The following ZNF66 variants were observed in gnomAD, a reference collection of about 807,000 sequenced individuals.
ZNF66 encodes zinc finger protein 66.
A neutral mutation model predicts 35.2 loss-of-function variants in ZNF66; 32 were observed. The ratio of observed to expected loss-of-function variants is 0.91; its 90% CI spans 0.69 to 1.22. The LOEUF is 1.22. Among genes scored for constraint, ZNF66 ranks in the 50% most tolerant of loss-of-function variants. The pLI, the probability that ZNF66 is intolerant of heterozygous loss-of-function variation, is 0.00. For synonymous variants in ZNF66, 231 were observed against 181.3 expected (o/e 1.27, Z -2.20); for missense variants, 666 against 543.1 (o/e 1.23, Z -2.25).
At chr19:20,784,514 C>T (rs1051528540) in intron 1 of ZNF66, 3 of 152,142 alleles carry the variant, frequency 2.0e-5, no homozygotes, top group Admixed American at 6.5e-5. Flanking sequence ...GCCACCCCAA[C>T]ACCATAATAC....
intron 1 of ZNF66, among the ~76,000 whole-genome samples, chr19:20,789,040 GA>G (rs1343532004): frequency 1.3e-5 from 2 of 151,326 alleles, no homozygotes; most frequent in African/African-American, 4.9e-5. Context: ...AATAGAGTGA[GA>G]CTTCATCTAT....
intron 1 of ZNF66, among the ~76,000 whole-genome samples, chr19:20,785,470 G>T (rs987082872): frequency 1.3e-5 from 2 of 152,200 alleles, no homozygotes; most frequent in African/African-American, 4.8e-5. Flanking sequence ...TTTGTCATTG[G>T]ATATAAGCAT....
Position 20,806,641 on chromosome 19 carries a change from CA to C in ZNF66, c.1044del (p.Gly349AlafsTer13). On this transcript the variant is annotated frameshift_variant, in exon 4 of 4. Transcript: ENST00000344519. LOFTEE classifies it high-confidence loss of function. Reference sequence around the variant, plus strand: ...AACCCTACAAATGTGAAGAATGTGGCAAAGGCTTTAAGTACTCCTCTACCCT... The same window carrying C: ...AACCCTACAAATGTGAAGAATGTGGCAAGGCTTTAAGTACTCCTCTACCCT... ...EKPYKCEECG[K>X]GFKYSSTLTK... is the part of the protein sequence containing the mutation. The C allele has an allele frequency of 1.3e-6, 2 of 1,564,850 alleles. No individual in the cohort carries two copies. The highest frequency in any genetic ancestry group is 1.8e-6 in the Non-Finnish European group (2 of 1,136,978).
chr19:20,793,272 A>ATTAG (rs1365499038), intron 2 of ZNF66, among the ~76,000 whole-genome samples: 1 of 151,040 alleles, frequency 6.6e-6, no homozygotes, highest in East Asian at 1.9e-4. Flanking sequence ...AGGTAGTAAA[A>ATTAG]TTAGGAAACC....
At chr19:20,805,156 G>A (rs576785534) in intron 3 of ZNF66, among the ~76,000 whole-genome samples, 13 of 136,398 alleles carry the variant, frequency 9.5e-5, no homozygotes, top group South Asian at 2.3e-4. Context: ...AGAGAGTCTC[G>A]CCCTGTTACC....
At chr19:20,785,223 G>C (rs10413183) in intron 1 of ZNF66, 14,183 of 152,328 alleles carry the variant, frequency 0.093, 675 homozygotes, top group Middle Eastern at 0.11. Context: ...CTGTGCTCTG[G>C]GCTGTGCCTC....
rs1020906102 is a variant in ZNF66, at chr19:20,808,807, A to G, written c.*1485A>G. Among the ~76,000 whole-genome samples, 1 of 151,512 alleles carries G rather than the reference A, an allele frequency of 6.6e-6. No homozygotes were observed. The highest frequency in any genetic ancestry group is 1.5e-5 in the Non-Finnish European group (1 of 67,732). ...AGAGCACCTCTCCTCCTCCAAAGGA[A>G]CACAGTTCCCCACCAGCAACAGAAC... On this transcript the variant is annotated 3_prime_UTR_variant, in exon 4 of 4. Transcript: ENST00000344519.
chr19:20,792,495 G>T lies in ZNF66; in HGVS notation c.4-17G>T. 1.3e-6 allele frequency: 2 copies of T among 1,496,264 alleles called. No homozygotes were observed. The highest frequency in any genetic ancestry group is 1.2e-5 in the South Asian group (1 of 84,256). The allele number at this position is 1,496,264 out of a possible 1,614,324, so 92.7% of individuals were successfully genotyped here. A position where few individuals can be genotyped will look rare whatever the true frequency, so the allele number is the denominator to read the frequency against. On this transcript the variant is annotated splice_polypyrimidine_tract_variant and intron_variant, in intron 1 of 3. Transcript: ENST00000344519. Reference sequence around the variant, plus strand: ...CCATAACCACTTGGTGAAAATGTGTGTGTGTATATTTTTCAGGGGCCATTG... The same window carrying T: ...CCATAACCACTTGGTGAAAATGTGTTTGTGTATATTTTTCAGGGGCCATTG...
At chr19:20,791,023 G>A (rs1971332094) in intron 1 of ZNF66, among the ~76,000 whole-genome samples, 1 of 152,158 alleles carries the variant, frequency 6.6e-6, no homozygotes, top group Non-Finnish European at 1.5e-5. Flanking sequence ...AGGAATTTAT[G>A]ATCTGCAATA....
chr19:20,805,520 A>G lies in ZNF66; in HGVS notation c.227-307A>G, dbSNP rs1599555973. Among the ~76,000 whole-genome samples, 6 of 152,116 alleles carry G rather than the reference A, an allele frequency of 3.9e-5. No homozygotes were observed. In the South Asian group the frequency reaches 1.2e-3, roughly 32 times the overall value. ...AATTTACTTTTAAAGGCACAATGTT[A>G]TACTGGAGAGCAGGAAGAGCTCTGT... On this transcript the variant is annotated intron_variant, in intron 3 of 3. Coordinates refer to ENST00000344519, the MANE Select transcript of ZNF66 (RefSeq NM_001355197.2).
chr19:20,776,727 A>T (rs1024570001), intron 1 of ZNF66, among the ~76,000 whole-genome samples: 1 of 152,062 alleles, frequency 6.6e-6, no homozygotes, highest in Non-Finnish European at 1.5e-5. Flanking sequence ...GGACCACCGG[A>T]GGGTCTTCAG....
rs1042443367 is a variant in ZNF66, at chr19:20,793,823, G to A, written c.171G>A (p.Glu57=). 1.2e-5 allele frequency: 14 copies of A among 1,150,290 alleles called. No homozygotes were observed. The African/African-American group carries it at 2.2e-4, about 18-fold the overall frequency. The allele number at this position is 1,150,290 out of a possible 1,614,324, so 71.3% of individuals were successfully genotyped here. A position where few individuals can be genotyped will look rare whatever the true frequency, so the allele number is the denominator to read the frequency against. ...VSKPDLITHL[E]QGKKPSTMQR... is the part of the protein sequence containing the mutation. ...AGCCAGACCTCATCACCCATCTGGA[G>A]CAAGGAAAAAAACCTTCGACTATGC... Residue 57 remains glutamate, a synonymous_variant, in exon 3 of 4, where the codon GAG becomes GAA. Transcript: ENST00000344519.
At chr19:20,803,485 C>G (rs1189577972) in intron 3 of ZNF66, among the ~76,000 whole-genome samples, 3 of 151,924 alleles carry the variant, frequency 2.0e-5, no homozygotes, top group African/African-American at 4.8e-5. Context: ...AATTTTTCAT[C>G]ATTACATCTG....
At chr19:20,776,960 C>A in intron 1 of ZNF66, among the ~76,000 whole-genome samples, 1 of 151,664 alleles carries the variant, frequency 6.6e-6, no homozygotes, top group Non-Finnish European at 1.5e-5. Flanking sequence ...ACTAAAAATA[C>A]AAAAATTAGG....
rs1568503680 is a variant in ZNF66 at position 20,809,962 on chromosome 19, C to A, written c.*2640C>A. On this transcript the variant is annotated 3_prime_UTR_variant, in exon 4 of 4. Transcript: ENST00000344519. The stretch of plus-strand genomic sequence containing the variant: ...TCTCACGTGCAGAGACACACATAGG[C>A]TCAAAATAAAAGGATGGAGGAAGAT... 1.3e-5 allele frequency among the ~76,000 whole-genome samples: 2 copies of A among 151,998 alleles called. No homozygotes were observed. The highest frequency in any genetic ancestry group is 1.5e-5 in the Non-Finnish European group (1 of 68,004).
chr19:20,789,249 C>A (rs1341048775), intron 1 of ZNF66, among the ~76,000 whole-genome samples: 1 of 152,118 alleles, frequency 6.6e-6, no homozygotes, highest in Admixed American at 6.5e-5. Flanking sequence ...AAGAATTCTA[C>A]ATAGAGTCCC....
At chr19:20,787,781 A>C (rs1180522152) in intron 1 of ZNF66, among the ~76,000 whole-genome samples, 1 of 152,214 alleles carries the variant, frequency 6.6e-6, no homozygotes, top group Non-Finnish European at 1.5e-5. Flanking sequence ...GGAATACTGG[A>C]GAAGAGTTAT....
intron 3 of ZNF66, among the ~76,000 whole-genome samples, chr19:20,802,552 TC>T (rs1424748155): frequency 6.6e-6 from 1 of 152,216 alleles, no homozygotes; most frequent in Non-Finnish European, 1.5e-5. Context: ...TAGAAAGTAA[TC>T]TATAAAATTT....
intron 3 of ZNF66, among the ~76,000 whole-genome samples, chr19:20,805,434 A>G (rs575585151): frequency 1.3e-5 from 2 of 152,040 alleles, no homozygotes; most frequent in African/African-American, 2.4e-5. Flanking sequence ...CCTCATGATC[A>G]ACCCATGTCA....
Sources: allele counts gnomAD v4.1 joint callset (sites outside exome capture counted in the v4.1 genomes callset), GRCh38; gene constraint gnomAD v4.1.1; transcripts MANE v1.5; gene names NCBI Gene and HGNC (gene_info 2026-07-23, HGNC 2026-07-21).